Variants in CTNNA3 observed in about 807,000 individuals in gnomAD.
The protein encoded by CTNNA3 is catenin alpha-3.
Under a neutral mutation model 95.7 loss-of-function variants are expected in CTNNA3, and 76 were observed. The observed-to-expected ratio is 0.79, with a 90% CI of 0.66 to 0.96. CTNNA3 has a LOEUF of 0.96. Among genes scored for constraint, CTNNA3 ranks in the 40% least tolerant of loss-of-function variants. CTNNA3 has a pLI of 0.00. For synonymous variants in CTNNA3, 431 were observed against 374.4 expected (o/e 1.15, Z -1.74); for missense variants, 1,191 against 1,089.8 (o/e 1.09, Z -1.31).
At chr10:66,501,049 G>C (rs925843611) in intron 11 of CTNNA3, among the ~76,000 whole-genome samples, 4 of 152,108 alleles carry the variant, frequency 2.6e-5, no homozygotes, top group Non-Finnish European at 5.9e-5. Context: ...AAATCTGACA[G>C]AGAAAACAAG....
chr10:65,932,860 C>T (rs1186424955), intron 17 of CTNNA3, among the ~76,000 whole-genome samples: 10 of 152,122 alleles, frequency 6.6e-5, no homozygotes, highest in African/African-American at 4.8e-5. Context: ...TCCCCAGCTT[C>T]TCTTGTCCTC....
At chr10:67,111,858 A>G (rs1858926077) in intron 7 of CTNNA3, among the ~76,000 whole-genome samples, 1 of 152,068 alleles carries the variant, frequency 6.6e-6, no homozygotes, top group African/African-American at 2.4e-5. Flanking sequence ...TAAGCTTCTC[A>G]TCATAGCAAA....
intron 7 of CTNNA3, among the ~76,000 whole-genome samples, chr10:66,810,760 T>C (rs1026865257): frequency 2.0e-5 from 3 of 152,226 alleles, no homozygotes; most frequent in Non-Finnish European, 4.4e-5. Flanking sequence ...AATGCCCCTC[T>C]GTCATTGCCC....
At chr10:66,580,234 A>AT (rs1287737122) in intron 10 of CTNNA3, among the ~76,000 whole-genome samples, 17 of 151,264 alleles carry the variant, frequency 1.1e-4, no homozygotes, top group South Asian at 4.2e-4. Flanking sequence ...GTAACATTCT[A>AT]TTTTTTTATT....
At chr10:67,100,048 A>G (rs1858249367) in intron 7 of CTNNA3, among the ~76,000 whole-genome samples, 1 of 151,814 alleles carries the variant, frequency 6.6e-6, no homozygotes, top group Admixed American at 6.6e-5. Flanking sequence ...TTGTGTAAAC[A>G]AGCACAAATT....
intron 7 of CTNNA3, among the ~76,000 whole-genome samples, chr10:66,872,101 C>T (rs747050818): frequency 2.0e-5 from 3 of 152,202 alleles, no homozygotes; most frequent in Non-Finnish European, 4.4e-5. Context: ...TTTAAAATGT[C>T]TATCCACCTG....
chr10:66,283,176 C>A (rs1365280148), intron 12 of CTNNA3, among the ~76,000 whole-genome samples: 1 of 151,784 alleles, frequency 6.6e-6, no homozygotes, highest in Non-Finnish European at 1.5e-5. Context: ...GTCAAAACTA[C>A]TACTCTAAAG....
At chr10:66,544,273 T>C (rs899522163) in intron 10 of CTNNA3, among the ~76,000 whole-genome samples, 1 of 152,010 alleles carries the variant, frequency 6.6e-6, no homozygotes, top group African/African-American at 2.4e-5. Context: ...TATTAACCTA[T>C]AAAATCCCTT....
chr10:66,515,790 T>C (rs999787184), intron 11 of CTNNA3, among the ~76,000 whole-genome samples: 1 of 151,916 alleles, frequency 6.6e-6, no homozygotes, highest in African/African-American at 2.4e-5. Context: ...AACCTCACTA[T>C]CACAAGAACA....
intron 7 of CTNNA3, among the ~76,000 whole-genome samples, chr10:67,176,598 A>G (rs185065821): frequency 9.2e-5 from 14 of 152,320 alleles, no homozygotes; most frequent in Admixed American, 5.2e-4. Context: ...TCCACATTCA[A>G]ATTCCCAGAA....
At chr10:66,913,102 T>A (rs1227208011) in intron 7 of CTNNA3, among the ~76,000 whole-genome samples, 41 of 150,564 alleles carry the variant, frequency 2.7e-4, no homozygotes, top group Non-Finnish European at 4.1e-4. Flanking sequence ...AGCCGGGCGC[T>A]GTGGCAGGCG....
chr10:67,181,423 A>G (rs1862535571), intron 6 of CTNNA3, among the ~76,000 whole-genome samples: 1 of 152,162 alleles, frequency 6.6e-6, no homozygotes, highest in Admixed American at 6.6e-5. Flanking sequence ...AAGTCTTTCC[A>G]AGATTAGGCA....
intron 11 of CTNNA3, among the ~76,000 whole-genome samples, chr10:66,444,640 C>T (rs1240741955): frequency 6.6e-6 from 1 of 151,994 alleles, no homozygotes; most frequent in East Asian, 1.9e-4. Context: ...ATTTTGTCAC[C>T]ACCAGGCCTG....
At chr10:66,844,956 G>A (rs939257503) in intron 7 of CTNNA3, among the ~76,000 whole-genome samples, 1 of 152,278 alleles carries the variant, frequency 6.6e-6, no homozygotes, top group East Asian at 1.9e-4. Flanking sequence ...ATAGAAAGGG[G>A]TGGAATGAGA....
At chr10:66,644,459 A>ATATATATATATATGTT (rs1845631971) in intron 9 of CTNNA3, among the ~76,000 whole-genome samples, 1 of 103,412 alleles carries the variant, frequency 9.7e-6, no homozygotes, top group Non-Finnish European at 1.8e-5. Flanking sequence ...CCAAATATGT[A>ATATATATATATATGTT]TATATATATA....
chr10:66,451,177 T>C (rs1033377229), intron 11 of CTNNA3, among the ~76,000 whole-genome samples: 5 of 152,142 alleles, frequency 3.3e-5, no homozygotes, highest in African/African-American at 7.2e-5. Flanking sequence ...TTGATTGCAA[T>C]AATGATTAAT....
intron 5 of CTNNA3, among the ~76,000 whole-genome samples, chr10:67,405,408 A>T (rs935184131): frequency 1.3e-5 from 2 of 152,304 alleles, no homozygotes; most frequent in Non-Finnish European, 2.9e-5. Context: ...GCATCTAACA[A>T]AAAAAGACTT....
At chr10:67,094,027 C>T (rs1857818590) in intron 7 of CTNNA3, among the ~76,000 whole-genome samples, 1 of 151,846 alleles carries the variant, frequency 6.6e-6, no homozygotes, top group African/African-American at 2.4e-5. Context: ...TGACTTCCTA[C>T]TCGAATTAAC....
chr10:66,286,005 T>G (rs10430508), intron 12 of CTNNA3, among the ~76,000 whole-genome samples: 60,190 of 151,792 alleles, frequency 0.4, 12,083 homozygotes, highest in African/African-American at 0.45. Context: ...CAGTCTATGG[T>G]TGATGGGCAT....
Sources: allele counts gnomAD v4.1 joint callset (sites outside exome capture counted in the v4.1 genomes callset), GRCh38; gene constraint gnomAD v4.1.1; transcripts MANE v1.5; gene names NCBI Gene and HGNC (gene_info 2026-07-23, HGNC 2026-07-21).